The following OR2A25 variants were observed in gnomAD, a reference collection of about 807,000 sequenced individuals.
OR2A25 encodes the protein olfactory receptor family 2 subfamily A member 25, also known as olfactory receptor 2A25.
For synonymous variants in OR2A25, 162 were observed against 148.1 expected, an observed-to-expected ratio of 1.09 and a Z score of -0.68; for missense variants, 362 against 368.3, an observed-to-expected ratio of 0.98 and a Z score of 0.14.
In OR2A25 at chr7:144,070,643, A is replaced by C. The variant is rs530058723; in HGVS notation, c.-5+747A>C. ...ATAGTTGTTTGTGGGGGGTTGCCTC[A>C]TGTTTCTATTGCCTCATGAAATTAA... On this transcript the variant is annotated intron_variant, in intron 1 of 1. Coordinates refer to ENST00000641663, the MANE Select transcript of OR2A25 (RefSeq NM_001386096.1). 2.0e-5 allele frequency among the ~76,000 whole-genome samples: 3 copies of C among 152,072 alleles called. 1 individual carries two copies. In the Middle Eastern group the frequency reaches 0.01, roughly 517 times the overall value.
Position 144,074,508 on chromosome 7 carries a change from A to G in OR2A25, c.289A>G (p.Met97Val), listed in dbSNP as rs183125983. ...CAAGCCCATCTCCTTTGCTGGCTGC[A>G]TGACCCAGATGTTTCTGTTTTTGAG... ...PAKPISFAGC[M>V]TQMFLFLSFA... Residue 97 changes from methionine to valine, a missense_variant, in exon 2 of 2, where the codon ATG becomes GTG. Physicochemically the swap from Met to Val is conservative, Grantham distance 21 (BLOSUM62 1). Coordinates refer to ENST00000641663, the MANE Select transcript of OR2A25 (RefSeq NM_001386096.1). The G allele has an allele frequency of 6.2e-7, 1 of 1,614,196 alleles. No homozygotes were observed. The highest frequency in any genetic ancestry group is 2.2e-5 in the East Asian group (1 of 44,876).
intron 1 of OR2A25, among the ~76,000 whole-genome samples, chr7:144,072,598 C>T (rs1453834100): frequency 6.6e-6 from 1 of 152,024 alleles, no homozygotes; most frequent in Non-Finnish European, 1.5e-5. Context: ...AAAACAAGCA[C>T]ATTACACAGA....
chr7:144,074,245 C>G lies in OR2A25; in HGVS notation c.26C>G (p.Thr9Arg), dbSNP rs2051088936. The G allele has an allele frequency of 6.2e-7, 1 of 1,613,812 alleles. No individual in the cohort carries two copies. Among genetic ancestry groups the G allele is most frequent in the Non-Finnish European group, 8.5e-7 (1 of 1,179,788 alleles). ...ATGGGGGGAAATCAGACTTCCATCACAGAGTTCCTCCTACTGGGATTTCCC... is the reference window on the plus strand; with the variant it reads ...ATGGGGGGAAATCAGACTTCCATCAGAGAGTTCCTCCTACTGGGATTTCCC... MGGNQTSI[T>R]EFLLLGFPIG... is the part of the protein sequence containing the mutation. The change falls in exon 2 of 2, where the codon ACA becomes AGA. Residue 9 changes from threonine (T) to arginine (R), a missense_variant. Physicochemically the swap from Thr to Arg is moderately conservative, Grantham distance 71. Transcript: ENST00000641663.
At chr7:144,073,656 G>T (rs1482656018) in intron 1 of OR2A25, among the ~76,000 whole-genome samples, 1 of 152,064 alleles carries the variant, frequency 6.6e-6, no homozygotes, top group Non-Finnish European at 1.5e-5. Flanking sequence ...CAAAGTTAGG[G>T]CAAACTGCCA....
intron 1 of OR2A25, among the ~76,000 whole-genome samples, chr7:144,072,241 A>C (rs527416192): frequency 6.6e-6 from 1 of 152,100 alleles, no homozygotes; most frequent in African/African-American, 2.4e-5. Context: ...GGGCTGAAGA[A>C]GGCTATAGAG....
Position 144,074,362 on chromosome 7 carries a change from T to C in OR2A25, c.143T>C (p.Ile48Thr). 1 of 1,614,064 alleles carries C rather than the reference T, an allele frequency of 6.2e-7. No homozygotes were observed. Among genetic ancestry groups the C allele is most frequent in the East Asian group, 2.2e-5 (1 of 44,872 alleles). Reference sequence around the variant, plus strand: ...GGGAACGGGACAATCCTGGGGCTCATCTCACTGGACTCCAGACTCCACACC... The same window carrying C: ...GGGAACGGGACAATCCTGGGGCTCACCTCACTGGACTCCAGACTCCACACC... Reference protein sequence around the residue: ...LLGNGTILGLISLDSRLHTPM... With the variant: ...LLGNGTILGLTSLDSRLHTPM... Residue 48 changes from isoleucine (I) to threonine (T), a missense_variant, in exon 2 of 2, where the codon ATC (isoleucine) becomes ACC (threonine). Transcript: ENST00000641663.
intron 1 of OR2A25, among the ~76,000 whole-genome samples, chr7:144,071,878 T>G (rs1413541152): frequency 4.6e-5 from 7 of 152,106 alleles, no homozygotes. Flanking sequence ...TGAATCCTAT[T>G]GTTGGAAAGG....
chr7:144,071,543 C>T (rs1488304105), intron 1 of OR2A25, among the ~76,000 whole-genome samples: 2 of 151,706 alleles, frequency 1.3e-5, no homozygotes, highest in African/African-American at 4.8e-5. Context: ...CAGTGGGACT[C>T]CTGGAATATT....
chr7:144,072,119 A>C (rs921408979), intron 1 of OR2A25, among the ~76,000 whole-genome samples: 1 of 152,098 alleles, frequency 6.6e-6, no homozygotes, highest in African/African-American at 2.4e-5. Flanking sequence ...AGCAAAACTT[A>C]TCTACCTTTG....
rs1372370060 is a variant in OR2A25 at position 144,075,797 on chromosome 7, C to A, written c.*645C>A. 6.7e-6 allele frequency: 1 copy of A among 148,680 alleles called. No individual in the cohort carries two copies. The highest frequency in any genetic ancestry group is 1.5e-5 in the Non-Finnish European group (1 of 67,736). 9.2% of individuals were successfully genotyped at this position (148,680 alleles called of 1,614,324 possible). ...AGTGAGCTGAGATGGCGCCACTGCACTCCAACCTGGGGGACACAGCGAGAC... is the reference window on the plus strand; with the variant it reads ...AGTGAGCTGAGATGGCGCCACTGCAATCCAACCTGGGGGACACAGCGAGAC... On this transcript the variant is annotated 3_prime_UTR_variant, in exon 2 of 2. Transcript: ENST00000641663.
Position 144,075,232 on chromosome 7 carries a change from A to G in OR2A25, c.*80A>G, listed in dbSNP as rs925173703. ...GAACCCATCCCTACTCAGGATACAT[A>G]ATCACACTCTAGAGAACCCTTTCCA... On this transcript the variant is annotated 3_prime_UTR_variant, in exon 2 of 2. Coordinates refer to ENST00000641663, the MANE Select transcript of OR2A25 (RefSeq NM_001386096.1). 6.1e-6 allele frequency: 6 copies of G among 991,506 alleles called. No homozygotes were observed. The highest frequency in any genetic ancestry group is 4.9e-5 in the African/African-American group (3 of 61,046). 61.4% of individuals were successfully genotyped at this position (991,506 alleles called of 1,614,324 possible). A position where few individuals can be genotyped will look rare whatever the true frequency, so the allele number is the denominator to read the frequency against.
chr7:144,070,805 T>C (rs1919950), intron 1 of OR2A25, among the ~76,000 whole-genome samples: 2 of 151,852 alleles, frequency 1.3e-5, no homozygotes, highest in Non-Finnish European at 2.9e-5. Context: ...AGAATTATCA[T>C]ATTTGTGAGT....
Position 144,074,955 on chromosome 7 carries a change from G to C in OR2A25, c.736G>C (p.Val246Leu). 1 of 1,614,166 alleles carries C rather than the reference G, an allele frequency of 6.2e-7. No individual in the cohort carries two copies. The highest frequency in any genetic ancestry group is 8.5e-7 in the Non-Finnish European group (1 of 1,180,028). Residue 246 changes from valine to leucine, a missense_variant, in exon 2 of 2, where the codon GTG becomes CTG. Physicochemically the swap from Val to Leu is conservative, Grantham distance 32. Transcript: ENST00000641663. ...CTCCATCTGCTCCTCCCACCTCTGT[G>C]TGGTTGGACTCTTTTATGGCACAGC... ...AFSICSSHLCVVGLFYGTAII... is the reference protein window; with the variant it reads ...AFSICSSHLCLVGLFYGTAII...
At chr7:144,072,591 A>G (rs549809553) in intron 1 of OR2A25, among the ~76,000 whole-genome samples, 122 of 152,204 alleles carry the variant, frequency 8.0e-4, no homozygotes, top group Middle Eastern at 3.4e-3. Context: ...AAAACAGAAA[A>G]CAAGCACATT....
Position 144,074,450 on chromosome 7 carries a change from G to A in OR2A25, c.231G>A (p.Val77=), listed in dbSNP as rs1380241162. The A allele has an allele frequency of 6.2e-7, 1 of 1,614,066 alleles. No homozygotes were observed. Among genetic ancestry groups the A allele is most frequent in the East Asian group, 2.2e-5 (1 of 44,882 alleles). Residue 77 remains valine (V), a synonymous_variant, in exon 2 of 2, where the codon GTG becomes GTA. Coordinates refer to ENST00000641663, the MANE Select transcript of OR2A25 (RefSeq NM_001386096.1). ...ACATCGCCTGTGCTTGCAGCACGGT[G>A]CCCCAGATGCTGGTGAACCTCCTGC... The part of the protein sequence containing the change: ...VVDIACACST[V]PQMLVNLLHP...
chr7:144,071,422 G>A (rs2051066437), intron 1 of OR2A25, among the ~76,000 whole-genome samples: 1 of 152,008 alleles, frequency 6.6e-6, no homozygotes, highest in Non-Finnish European at 1.5e-5. Flanking sequence ...CCATTCATCT[G>A]TTGATGGACA....
In OR2A25 at chr7:144,074,601, C is replaced by T; in HGVS notation, c.382C>T (p.Pro128Ser). The change falls in exon 2 of 2, where the codon CCT (proline) becomes TCT (serine). Residue 128 changes from proline (P) to serine (S), a missense_variant. Coordinates refer to ENST00000641663, the MANE Select transcript of OR2A25 (RefSeq NM_001386096.1). The part of the protein sequence containing the change: ...SYDRYVAICH[P>S]LRYSTIMTWK... The stretch of plus-strand genomic sequence containing the variant: ...TGATCGGTACGTGGCCATCTGCCAC[C>T]CTCTCCGATATTCTACCATCATGAC... The T allele has an allele frequency of 6.2e-7, 1 of 1,614,172 alleles. No individual in the cohort carries two copies. The highest frequency in any genetic ancestry group is 8.5e-7 in the Non-Finnish European group (1 of 1,180,038).
At chr7:144,073,388 A>C (rs552402190) in intron 1 of OR2A25, among the ~76,000 whole-genome samples, 1 of 152,048 alleles carries the variant, frequency 6.6e-6, no homozygotes, top group Non-Finnish European at 1.5e-5. Flanking sequence ...TCAATTAAAA[A>C]TTGTTAAAAA....
chr7:144,073,138 T>C (rs998564570), intron 1 of OR2A25, among the ~76,000 whole-genome samples: 3 of 152,094 alleles, frequency 2.0e-5, no homozygotes, highest in Non-Finnish European at 4.4e-5. Context: ...TACAAACATA[T>C]GGTTTCATAG....
Sources: allele counts gnomAD v4.1 joint callset (sites outside exome capture counted in the v4.1 genomes callset), GRCh38; gene constraint gnomAD v4.1.1; transcripts MANE v1.5; gene names NCBI Gene and HGNC (gene_info 2026-07-23, HGNC 2026-07-21).